Variants in TBC1D7 observed in about 807,000 individuals in gnomAD.
TBC1D7 encodes TBC domain family 7.
In TBC1D7, 33 loss-of-function variants were observed where a neutral mutation model predicts 35.3. The ratio of observed to expected loss-of-function variants is 0.93; its 90% confidence interval spans 0.71 to 1.25. The LOEUF is 1.25. TBC1D7 is among the 50% of genes most tolerant of loss of function. The pLI, the probability that TBC1D7 is intolerant of heterozygous loss-of-function variation, is 0.00. For missense variants in TBC1D7, 362 were observed against 365.3 expected, an observed-to-expected ratio of 0.99 and a Z score of 0.07; for synonymous variants, 135 against 129.5, an observed-to-expected ratio of 1.04 and a Z score of -0.29.
chr6:13,319,980 T>C (rs1223201640), intron 4 of TBC1D7: 2 of 152,160 alleles, frequency 1.3e-5, no homozygotes, highest in African/African-American at 4.8e-5. Context: ...AAATTCACAC[T>C]ATGTGCCTCC....
At chr6:13,326,702 T>C (rs1784427693) in intron 2 of TBC1D7, 85 bp downstream of exon 2, 2 of 781,978 alleles carry the variant, frequency 2.6e-6, no homozygotes, top group Non-Finnish European at 4.0e-6. Context: ...TAACCAATGC[T>C]TCTGGATGTC....
intron 5 of TBC1D7, 34 bp from the exon 6 acceptor site, chr6:13,307,779 T>A: frequency 6.3e-7 from 1 of 1,596,628 alleles, no homozygotes; most frequent in Admixed American, 1.7e-5. Context: ...ATTATTCATT[T>A]TCTGTGTCAT....
chr6:13,311,166 G>C (rs980335599), intron 5 of TBC1D7, among the ~76,000 whole-genome samples: 2 of 152,120 alleles, frequency 1.3e-5, no homozygotes, highest in African/African-American at 4.8e-5. Flanking sequence ...CTTTAGCAGA[G>C]CTTTAAAAAA....
chr6:13,321,176 G>C, intron 3 of TBC1D7, 81 bp from the exon 4 acceptor site: 2 of 1,227,658 alleles, frequency 1.6e-6, no homozygotes, highest in Non-Finnish European at 2.3e-6. Context: ...AGAGGATGCC[G>C]TGAGAAGCGA....
At chr6:13,324,435 CT>C (rs890460225) in intron 3 of TBC1D7, among the ~76,000 whole-genome samples, 1 of 152,050 alleles carries the variant, frequency 6.6e-6, no homozygotes, top group Non-Finnish European at 1.5e-5. Flanking sequence ...GCCAAAAATA[CT>C]TTTTTTAAGA....
rs567256007 is a variant in TBC1D7 at position 13,305,029 on chromosome 6, T to A, written c.*72A>T. 5.5e-6 allele frequency: 7 copies of A among 1,271,760 alleles called. No homozygotes were observed. In the South Asian group the frequency reaches 1.0e-4, roughly 18 times the overall value. 78.8% of individuals were successfully genotyped at this position (1,271,760 alleles called of 1,614,324 possible). ...AGAAAAGTGTATTATTCAATCAGTT[T>A]CCCAGATCACATGCCAAGAACACAA... On this transcript the variant is annotated 3_prime_UTR_variant, in exon 8 of 8. Transcript: ENST00000379300.
At chr6:13,324,133 GTT>G (rs200699999) in intron 3 of TBC1D7, among the ~76,000 whole-genome samples, 1 of 146,496 alleles carries the variant, frequency 6.8e-6, no homozygotes. Context: ...TTTGTTTTTT[GTT>G]TTTTTTTTTG....
chr6:13,324,129 TTTTG>T (rs1162075362), intron 3 of TBC1D7, among the ~76,000 whole-genome samples: 1 of 142,958 alleles, frequency 7.0e-6, no homozygotes, highest in Non-Finnish European at 1.6e-5. Context: ...TTTGTTTGTT[TTTTG>T]TTTTTTTTTT....
chr6:13,312,221 T>C (rs2127528040), intron 5 of TBC1D7, among the ~76,000 whole-genome samples: 1 of 152,236 alleles, frequency 6.6e-6, no homozygotes, highest in Middle Eastern at 3.4e-3. Flanking sequence ...ACATTCTCAG[T>C]AATACACCAA....
chr6:13,318,366 T>A (rs972119227), intron 4 of TBC1D7, among the ~76,000 whole-genome samples: 1 of 152,188 alleles, frequency 6.6e-6, no homozygotes, highest in Non-Finnish European at 1.5e-5. Context: ...GCAGTAAAGG[T>A]GTCTCAGCTT....
At position 13,325,091 on chromosome 6, in the gene TBC1D7, T is replaced by C. The variant is rs1416468153; in HGVS notation, c.193+3A>G. The C allele has an allele frequency of 6.2e-7, 1 of 1,606,674 alleles. No individual in the cohort carries two copies. The highest frequency in any genetic ancestry group is 2.2e-5 in the East Asian group (1 of 44,796). ...TAAATCTTCCAACTCCTGGGTCTCATACCTAGAAGCACCTTCCATACCAAT... is the reference window on the plus strand; with the variant it reads ...TAAATCTTCCAACTCCTGGGTCTCACACCTAGAAGCACCTTCCATACCAAT... On this transcript the variant is annotated splice_donor_region_variant and intron_variant, in intron 3 of 7. Transcript: ENST00000379300.
At position 13,326,824 on chromosome 6, in the gene TBC1D7, C is replaced by A. The variant is rs755946421; in HGVS notation, c.75G>T (p.Lys25Asn). 1 of 1,613,116 alleles carries A rather than the reference C, an allele frequency of 6.2e-7. No homozygotes were observed. Among genetic ancestry groups the A allele is most frequent in the Non-Finnish European group, 8.5e-7 (1 of 1,179,650 alleles). ...EKVGFRGVEE[K>N]KSLEILLKDD... The stretch of plus-strand genomic sequence containing the variant: ...CTTTTAGGAGAATTTCTAATGATTT[C>A]TTTTCTTCAACTCCACGAAACCCCA... The change falls in exon 2 of 8, where the codon AAG becomes AAT. Residue 25 changes from lysine to asparagine, a missense_variant. By Grantham distance (94) the Lys-to-Asn change is moderately conservative. Transcript: ENST00000379300.
intron 4 of TBC1D7, 110 bp from the exon 5 acceptor site, chr6:13,316,818 A>G (rs993958562): frequency 1.1e-5 from 14 of 1,328,166 alleles, no homozygotes; most frequent in African/African-American, 2.9e-5. Flanking sequence ...GGCTACATTA[A>G]TAAATCAAAG....
Position 13,320,947 on chromosome 6 carries a change from C to T in TBC1D7, c.342G>A (p.Leu114=), listed in dbSNP as rs35014745. ...GACTTCGAGGTAACTTCCCAGACTC[C>T]AGCTGATACATGCGGAGATAGACTT... ...QAEVYLRMYQ[L]ESGKLPRSPS... Residue 114 remains leucine (L), a synonymous_variant, in exon 4 of 8, where the codon CTG becomes CTA. Transcript: ENST00000379300. The T allele has an allele frequency of 3.8e-3, 6,114 of 1,614,126 alleles. 170 individuals are homozygous for T. The African/African-American group carries it at 0.067, about 18-fold the overall frequency.
intron 4 of TBC1D7, chr6:13,319,842 G>C (rs1432858966): frequency 6.6e-6 from 1 of 152,204 alleles, no homozygotes; most frequent in Non-Finnish European, 1.5e-5. Flanking sequence ...TTACATAGCA[G>C]TTTTAAAGTG....
chr6:13,320,738 T>C (rs1464963691), intron 4 of TBC1D7, 170 bp downstream of exon 4: 1 of 738,610 alleles, frequency 1.4e-6, no homozygotes. Context: ...GTAAGAAGGT[T>C]GGGTCAGAAT....
At chr6:13,311,082 G>A (rs190338692) in intron 5 of TBC1D7, among the ~76,000 whole-genome samples, 31 of 152,254 alleles carry the variant, frequency 2.0e-4, no homozygotes, top group Non-Finnish European at 3.5e-4. Flanking sequence ...ACAAAAATAT[G>A]TACTTAATCA....
At chr6:13,321,168 A>C (rs1160645230) in intron 3 of TBC1D7, 73 bp from the exon 4 acceptor site, 3 of 1,386,858 alleles carry the variant, frequency 2.2e-6, no homozygotes, top group Non-Finnish European at 2.0e-6. Context: ...TCTATGAAAG[A>C]GGATGCCGTG....
chr6:13,320,793 T>C, intron 4 of TBC1D7, 115 bp downstream of exon 4: 1 of 944,742 alleles, frequency 1.1e-6, no homozygotes, highest in Non-Finnish European at 1.7e-6. Flanking sequence ...ACTTTTATTC[T>C]AATAACAACA....
Sources: gnomAD v4.1 joint callset for allele counts (sites outside exome capture counted in the v4.1 genomes callset) on GRCh38, gnomAD v4.1.1 for gene constraint, MANE v1.5 for transcripts, NCBI Gene and HGNC (gene_info 2026-07-23, HGNC 2026-07-21) for gene names.